Variants in ANXA7 observed in about 807,000 individuals in gnomAD.
ANXA7 encodes annexin VII.
In ANXA7, 55 loss-of-function variants were observed where a neutral mutation model predicts 64.9. The ratio of observed to expected loss-of-function variants is 0.85; its 90% CI spans 0.68 to 1.06. The LOEUF (loss-of-function observed/expected upper bound fraction) is 1.06. ANXA7 is among the 50% of genes least tolerant of loss of function. The probability of loss-of-function intolerance (pLI) is 0.00; values close to 1 mark genes in which losing one functional copy is unlikely to be tolerated. For missense variants in ANXA7, 548 were observed against 582.1 expected (o/e 0.94, Z 0.60); for synonymous variants, 200 against 192.4 (o/e 1.04, Z -0.33).
chr10:73,403,787 A>C (rs1048456310), intron 1 of ANXA7, among the ~76,000 whole-genome samples: 4 of 152,252 alleles, frequency 2.6e-5, no homozygotes, highest in Non-Finnish European at 5.9e-5. Context: ...AGAATTTTCC[A>C]TCTAACATCC....
At chr10:73,401,027 TC>T (rs2055655112) in intron 1 of ANXA7, among the ~76,000 whole-genome samples, 170 bp from the exon 2 acceptor site, 1 of 152,122 alleles carries the variant, frequency 6.6e-6, no homozygotes, top group Admixed American at 6.6e-5. Flanking sequence ...TGCCTCAGCC[TC>T]CCAAGTAGCT....
intron 5 of ANXA7, among the ~76,000 whole-genome samples, chr10:73,392,243 A>G (rs568752254): frequency 3.3e-5 from 5 of 152,318 alleles, no homozygotes; most frequent in East Asian, 1.9e-4. Context: ...AGGACCAGAC[A>G]GATTCACAGC....
intron 7 of ANXA7, among the ~76,000 whole-genome samples, chr10:73,386,685 T>G (rs2055378153): frequency 6.6e-6 from 1 of 152,188 alleles, no homozygotes; most frequent in Admixed American, 6.5e-5. Context: ...TATTTTTTTT[T>G]GAGACAGCGT....
At position 73,383,647 on chromosome 10, in the gene ANXA7, T is replaced by A; in HGVS notation, c.677A>T (p.Glu226Val). 6.2e-7 allele frequency: 1 copy of A among 1,613,876 alleles called. No homozygotes were observed. Among genetic ancestry groups the A allele is most frequent in the Non-Finnish European group, 8.5e-7 (1 of 1,179,782 alleles). ...CATGAAGAGGGCCAGGATCAGTTCT[T>A]CCATATTTCCACTTAACTCTGATTT... The part of the protein sequence containing the change: ...DLKSELSGNM[E>V]ELILALFMPP... Residue 226 changes from glutamate to valine, a missense_variant, in exon 8 of 13, where the codon GAA (glutamate) becomes GTA (valine). Transcript: ENST00000372921.
chr10:73,386,202 CTCAAAAAAAA>C (rs2055366539), intron 7 of ANXA7, among the ~76,000 whole-genome samples: 1 of 137,818 alleles, frequency 7.3e-6, no homozygotes, highest in African/African-American at 2.8e-5. Flanking sequence ...GAGACTCTGT[CTCAAAAAAAA>C]GTAAAAAAAA....
chr10:73,398,184 C>A lies in ANXA7; in HGVS notation c.256G>T (p.Gly86Ter). The A allele has an allele frequency of 6.2e-7, 1 of 1,608,758 alleles. No individual in the cohort carries two copies. The highest frequency in any genetic ancestry group is 8.5e-7 in the Non-Finnish European group (1 of 1,176,370). The change falls in exon 3 of 13, where the codon GGA becomes TGA. Residue 86 changes from glycine (G) to a stop codon, truncating the protein, a stop_gained. Coordinates refer to ENST00000372921, the MANE Select transcript of ANXA7 (RefSeq NM_001156.5). LOFTEE classifies it high-confidence loss of function. ...AATTCCGCAACCCGTAACTCACCTC[C>A]GGGATAGGATGGAGCTCCCCCTGGC... is the stretch of plus-strand genomic sequence containing the variant. Reference protein sequence around the residue: ...PQPGGAPSYPGVPPGQGFGVP... With the variant: ...PQPGGAPSYP
At chr10:73,406,147 G>A (rs112624196) in intron 1 of ANXA7, among the ~76,000 whole-genome samples, 7,071 of 152,064 alleles carry the variant, frequency 0.047, 503 homozygotes, top group African/African-American at 0.15. Context: ...GTAGAGACAG[G>A]GTTTCGTCAT....
chr10:73,387,453 G>A (rs769942196), intron 7 of ANXA7, among the ~76,000 whole-genome samples: 5 of 152,224 alleles, frequency 3.3e-5, no homozygotes, highest in Middle Eastern at 3.4e-3. Context: ...AAGCAAAGAC[G>A]GCAGTGAGCT....
Position 73,398,237 on chromosome 10 carries a change from G to C in ANXA7, c.203C>G (p.Ala68Gly). The part of the protein sequence containing the change: ...GGYPAPGGYP[A>G]PGGYPGAPQP... The stretch of plus-strand genomic sequence containing the variant: ...TGGGGCACCAGGATAGCCTCCAGGG[G>C]CTGGATAACCTCCAGGCGCAGGGTA... Residue 68 changes from alanine to glycine, a missense_variant, in exon 3 of 13, where the codon GCC becomes GGC. Physicochemically the swap from Ala to Gly is moderately conservative, Grantham distance 60. Transcript: ENST00000372921. 6.2e-7 allele frequency: 1 copy of C among 1,614,038 alleles called. No homozygotes were observed. The highest frequency in any genetic ancestry group is 2.2e-5 in the East Asian group (1 of 44,876).
intron 5 of ANXA7, among the ~76,000 whole-genome samples, chr10:73,391,758 C>T (rs892165820): frequency 1.3e-5 from 2 of 152,178 alleles, no homozygotes; most frequent in African/African-American, 4.8e-5. Flanking sequence ...TACACACAGA[C>T]ACATCCATAC....
chr10:73,383,452 C>A, intron 8 of ANXA7, 107 bp from the exon 9 acceptor site: 1 of 1,266,264 alleles, frequency 7.9e-7, no homozygotes, highest in South Asian at 1.4e-5. Flanking sequence ...ACTATATATT[C>A]AGATGGATGA....
At chr10:73,385,896 G>A (rs1160977861) in intron 7 of ANXA7, among the ~76,000 whole-genome samples, 1 of 152,080 alleles carries the variant, frequency 6.6e-6, no homozygotes, top group East Asian at 1.9e-4. Flanking sequence ...GAGAACATTA[G>A]GATATTTTTA....
chr10:73,390,725 T>G, intron 5 of ANXA7, among the ~76,000 whole-genome samples: 1 of 124,646 alleles, frequency 8.0e-6, no homozygotes, highest in Non-Finnish European at 1.6e-5. Context: ...TATATAAAAA[T>G]ATATATATAC....
At chr10:73,384,370 A>G (rs921748148) in intron 7 of ANXA7, among the ~76,000 whole-genome samples, 1 of 152,170 alleles carries the variant, frequency 6.6e-6, no homozygotes. Context: ...ATGAGGAAGT[A>G]GAAACCATTA....
At chr10:73,410,130 C>T (rs1456750140) in intron 1 of ANXA7, among the ~76,000 whole-genome samples, 3 of 151,828 alleles carry the variant, frequency 2.0e-5, no homozygotes, top group Non-Finnish European at 2.9e-5. Context: ...CAAAAACAAA[C>T]GCAACAAAAA....
At chr10:73,397,376 AATGC>A in intron 3 of ANXA7, 102 bp from the exon 4 acceptor site, 29 of 519,746 alleles carry the variant, frequency 5.6e-5, no homozygotes, top group South Asian at 1.0e-4. Context: ...ATATGCTATT[AATGC>A]TATAATAGCA....
intron 1 of ANXA7, among the ~76,000 whole-genome samples, chr10:73,401,859 G>A (rs112538740): frequency 2.6e-5 from 4 of 152,080 alleles, no homozygotes; most frequent in African/African-American, 9.7e-5. Context: ...CCTTGCTCTT[G>A]GACTTCCCAG....
At chr10:73,378,377 C>CAAAAAAAAAA in intron 12 of ANXA7, among the ~76,000 whole-genome samples, 1 of 63,152 alleles carries the variant, frequency 1.6e-5, no homozygotes, top group East Asian at 4.6e-4. Flanking sequence ...GACCATGTCT[C>CAAAAAAAAAA]AAAAAAAAAA....
intron 1 of ANXA7, among the ~76,000 whole-genome samples, chr10:73,407,482 A>G (rs1215022463): frequency 6.6e-6 from 1 of 152,162 alleles, no homozygotes; most frequent in Non-Finnish European, 1.5e-5. Context: ...TAAAGCTTTC[A>G]GGTGATATGG....
Sources: gnomAD v4.1 joint callset for allele counts (sites outside exome capture counted in the v4.1 genomes callset) on GRCh38, gnomAD v4.1.1 for gene constraint, MANE v1.5 for transcripts, NCBI Gene and HGNC (gene_info 2026-07-23, HGNC 2026-07-21) for gene names.